Variants in ABCA12 observed in about 807,000 individuals in gnomAD.
The protein encoded by ABCA12 is ATP binding cassette subfamily A member 12.
In ABCA12, 156 loss-of-function variants were observed where a neutral mutation model predicts 293.5. That is an observed-to-expected ratio of 0.53 (90% CI 0.47 to 0.61). The LOEUF is 0.61. Among genes scored for constraint, ABCA12 ranks in the 20% least tolerant of loss-of-function variants. The probability of loss-of-function intolerance (pLI) is 0.00; values close to 1 mark genes in which losing one functional copy is unlikely to be tolerated. For missense variants in ABCA12, 2,797 were observed against 3,090.2 expected (o/e 0.91, Z 2.25); for synonymous variants, 1,063 against 1,108.0 (o/e 0.96, Z 0.81).
chr2:215,006,433 TTA>T (rs1396920297), intron 19 of ABCA12, among the ~76,000 whole-genome samples: 4 of 152,156 alleles, frequency 2.6e-5, no homozygotes, highest in Admixed American at 6.5e-5. Context: ...GATGAAAAGT[TTA>T]TGTTATTAAA....
intron 1 of ABCA12, among the ~76,000 whole-genome samples, chr2:215,132,800 G>A (rs1430804213): frequency 1.3e-5 from 2 of 151,970 alleles, no homozygotes; most frequent in African/African-American, 4.8e-5. Flanking sequence ...TTCTTTTGAG[G>A]TTTCTATTGT....
intron 1 of ABCA12, among the ~76,000 whole-genome samples, chr2:215,116,580 T>C (rs1482802016): frequency 1.3e-5 from 2 of 152,014 alleles, no homozygotes; most frequent in Non-Finnish European, 2.9e-5. Context: ...GAAAATAAAA[T>C]ATATTTAATT....
chr2:215,032,156 A>G (rs1393380640), intron 8 of ABCA12: 4 of 1,294,138 alleles, frequency 3.1e-6, no homozygotes, highest in Non-Finnish European at 4.0e-6. Context: ...TTGTCTGTGC[A>G]TCAAGCCACT....
At chr2:215,124,521 T>C (rs899912460) in intron 1 of ABCA12, among the ~76,000 whole-genome samples, 7 of 152,208 alleles carry the variant, frequency 4.6e-5, no homozygotes, top group Admixed American at 4.6e-4. Flanking sequence ...CGGTATCACA[T>C]TGTGGTTGTG....
intron 36 of ABCA12, among the ~76,000 whole-genome samples, chr2:214,973,543 C>T (rs1028607822): frequency 6.6e-6 from 1 of 152,112 alleles, no homozygotes; most frequent in African/African-American, 2.4e-5. Context: ...CTTAGAGACA[C>T]ATGGAGTTCT....
rs1358702158 is a variant in ABCA12 at position 214,932,003 on chromosome 2, A to G, written c.*631T>C. The G allele has an allele frequency of 1.3e-5, 2 of 152,938 alleles. No homozygotes were observed. The highest frequency in any genetic ancestry group is 2.9e-5 in the Non-Finnish European group (2 of 68,762). The allele number at this position is 152,938 out of a possible 1,614,324, so 9.5% of individuals were successfully genotyped here. A position where few individuals can be genotyped will look rare whatever the true frequency, so the allele number is the denominator to read the frequency against. ...TCTAGGTTCCGTGTACCACCAGGGT[A>G]AATTGCCCTCTCTATTGCAGTCCTT... On this transcript the variant is annotated 3_prime_UTR_variant, in exon 53 of 53. Coordinates refer to ENST00000272895, the MANE Select transcript of ABCA12 (RefSeq NM_173076.3).
rs974297493 is a variant in ABCA12, at chr2:215,102,426, C to T, written c.163+9171G>A. Among the ~76,000 whole-genome samples, 3 of 152,076 alleles carry T rather than the reference C, an allele frequency of 2.0e-5. No individual in the cohort carries two copies. In the East Asian group the frequency reaches 5.8e-4, roughly 29 times the overall value. ...CCAGCCTGGCCAACATGGTGAAACC[C>T]TGTCTCTACTAAAAATACAAAAATT... On this transcript the variant is annotated intron_variant, in intron 2 of 52. Coordinates refer to ENST00000272895, the MANE Select transcript of ABCA12 (RefSeq NM_173076.3).
intron 30 of ABCA12, among the ~76,000 whole-genome samples, chr2:214,981,761 GTTTTTTTTTTT>G (rs11323161): frequency 2.6e-5 from 2 of 77,000 alleles, no homozygotes; most frequent in Non-Finnish European, 5.1e-5. Flanking sequence ...CGTCAAGCTG[GTTTTTTTTTTT>G]TTTTTTTTTT....
chr2:215,102,808 T>C (rs1702385839), intron 2 of ABCA12, among the ~76,000 whole-genome samples: 1 of 152,196 alleles, frequency 6.6e-6, no homozygotes, highest in South Asian at 2.1e-4. Flanking sequence ...CTCCTACTCA[T>C]TCTTCAAGAC....
In ABCA12 at chr2:214,992,462, G is replaced by GAA. The variant is rs35911401; in HGVS notation, c.3295-1433_3295-1432dup. 9.0e-3 allele frequency among the ~76,000 whole-genome samples: 692 copies of GAA among 77,260 alleles called. 11 individuals carry two copies. The highest frequency in any genetic ancestry group is 0.04 in the Middle Eastern group (2 of 50). 50.7% of individuals were successfully genotyped at this position (77,260 alleles called of 152,430 possible). On this transcript the variant is annotated intron_variant, in intron 23 of 52. Coordinates refer to ENST00000272895, the MANE Select transcript of ABCA12 (RefSeq NM_173076.3). ...TGTCTCAAAAAGAAAAAAAAAAAAT[G>GAA]AAAAAAAAAAAAAAACAATTCATGA...
At chr2:215,130,936 GT>G (rs35257961) in intron 1 of ABCA12, among the ~76,000 whole-genome samples, 11 of 148,414 alleles carry the variant, frequency 7.4e-5, no homozygotes, top group East Asian at 3.9e-4. Flanking sequence ...TCTGCTGAGG[GT>G]TTTTTTTTTA....
At chr2:214,987,444 T>C (rs776795216) in intron 27 of ABCA12, among the ~76,000 whole-genome samples, 4 of 152,144 alleles carry the variant, frequency 2.6e-5, no homozygotes, top group Admixed American at 6.5e-5. Flanking sequence ...TAGCACCATA[T>C]GCTAACCAAC....
rs574585648 is a variant in ABCA12, at chr2:214,981,988, T to A, written c.4579+199A>T. Reference sequence around the variant, plus strand: ...ATTATTATTATTATTATTATTATTTTATTATTATTGACAGCGTCTCACTAT... The same window carrying A: ...ATTATTATTATTATTATTATTATTTAATTATTATTGACAGCGTCTCACTAT... On this transcript the variant is annotated intron_variant, in intron 30 of 52. Transcript: ENST00000272895. Among the ~76,000 whole-genome samples, 496 of 146,610 alleles carry A rather than the reference T, an allele frequency of 3.4e-3. 8 individuals carry two copies. Among genetic ancestry groups the A allele is most frequent in the African/African-American group, 0.012 (465 of 39,606 alleles).
intron 1 of ABCA12, among the ~76,000 whole-genome samples, chr2:215,133,542 G>A (rs73076541): frequency 0.033 from 4,942 of 151,934 alleles, 249 homozygotes; most frequent in African/African-American, 0.11. Flanking sequence ...TCATTAACTA[G>A]CATCTCATTA....
intron 3 of ABCA12, among the ~76,000 whole-genome samples, chr2:215,054,992 G>A (rs1701391933): frequency 6.6e-6 from 1 of 152,076 alleles, no homozygotes; most frequent in African/African-American, 2.4e-5. Context: ...AAAGTTGATA[G>A]GTCCCAAACA....
At chr2:215,063,585 T>C (rs550121693) in intron 3 of ABCA12, among the ~76,000 whole-genome samples, 321 of 151,936 alleles carry the variant, frequency 2.1e-3, no homozygotes, top group Non-Finnish European at 3.0e-3. Flanking sequence ...CAATTATGTA[T>C]ACTTTTAACT....
chr2:214,981,870 T>C (rs775286316), intron 30 of ABCA12, among the ~76,000 whole-genome samples: 91 of 148,128 alleles, frequency 6.1e-4, no homozygotes, highest in Non-Finnish European at 1.1e-3. Flanking sequence ...ACCTCTTGGG[T>C]TCAAGTGATT....
chr2:215,001,785 C>G (rs759983073), intron 20 of ABCA12, 48 bp from the exon 21 acceptor site: 1 of 1,544,198 alleles, frequency 6.5e-7, no homozygotes, highest in African/African-American at 1.4e-5. Flanking sequence ...GGTCCTGATT[C>G]TGGTCGTAAT....
At chr2:215,133,977 C>T (rs1348802443) in intron 1 of ABCA12, among the ~76,000 whole-genome samples, 1 of 151,912 alleles carries the variant, frequency 6.6e-6, no homozygotes, top group African/African-American at 2.4e-5. Context: ...GGACAAGTCC[C>T]TTGAGCATTC....
Sources: gnomAD v4.1 joint callset for allele counts (sites outside exome capture counted in the v4.1 genomes callset) on GRCh38, gnomAD v4.1.1 for gene constraint, MANE v1.5 for transcripts, NCBI Gene and HGNC (gene_info 2026-07-23, HGNC 2026-07-21) for gene names.